Variants in ZNF723 observed in about 807,000 individuals in gnomAD.
ZNF723 encodes the protein zinc finger protein 723, pseudogene.
ZNF723 carries 5 observed loss-of-function variants against 9.4 expected under a neutral mutation model. That is an observed-to-expected ratio of 0.53 (90% CI 0.28 to 1.12). The LOEUF (loss-of-function observed/expected upper bound fraction) is 1.12. ZNF723 is among the 50% of genes most tolerant of loss of function. The probability of loss-of-function intolerance (pLI) is 0.10; values close to 1 mark genes in which losing one functional copy is unlikely to be tolerated. For synonymous variants in ZNF723, 158 were observed against 168.8 expected (o/e 0.94, Z 0.49); for missense variants, 450 against 501.5 (o/e 0.90, Z 0.98).
Position 22,858,142 on chromosome 19 carries a change from A to C in ZNF723, c.1251A>C (p.Ile417=). The C allele has an allele frequency of 7.0e-7, 1 of 1,430,560 alleles. No individual in the cohort carries two copies. Among genetic ancestry groups the C allele is most frequent in the Non-Finnish European group, 9.9e-7 (1 of 1,014,322 alleles). 88.6% of individuals were successfully genotyped at this position (1,430,560 alleles called of 1,614,324 possible). A position where few individuals can be genotyped will look rare whatever the true frequency, so the allele number is the denominator to read the frequency against. The change falls in exon 4 of 4, where the codon ATA becomes ATC. Residue 417 remains isoleucine, a synonymous_variant. Transcript: ENST00000600766. The stretch of plus-strand genomic sequence containing the variant: ...CCTCAGCCCTTACTACACATAAGAT[A>C]ATTCATACTGGAGAAAGACCTTACA... ...NQSSALTTHK[I]IHTGERPYKC...
At position 22,858,645 on chromosome 19, in the gene ZNF723, A is replaced by C; in HGVS notation, c.*212A>C. On this transcript the variant is annotated 3_prime_UTR_variant, in exon 4 of 4. Transcript: ENST00000600766. ...GCCGGGTGTAGTGGTGGGCGCCTGT[A>C]ATCCCAGCTAGTTGGGAGGCTGAGG... The C allele has an allele frequency of 2.9e-6, 1 of 348,756 alleles. No individual in the cohort carries two copies. The allele number at this position is 348,756 out of a possible 1,614,324, so 21.6% of individuals were successfully genotyped here.
the ZNF723 span, among the ~76,000 whole-genome samples, chr19:22,814,854 G>A: frequency 1.3e-5 from 2 of 152,068 alleles, no homozygotes; most frequent in Non-Finnish European, 2.9e-5. Context: ...TTCACAGACA[G>A]CATAGTGACA....
At chr19:22,827,731 C>T (rs565105854), upstream of ZNF723, among the ~76,000 whole-genome samples, 616 of 152,122 alleles carry the variant, frequency 4.0e-3, 5 homozygotes, top group Non-Finnish European at 6.3e-3. Context: ...AACAGGCCAC[C>T]GTGCCTGGCC....
chr19:22,836,628 A>T (rs952464027), intron 1 of ZNF723, among the ~76,000 whole-genome samples: 2 of 152,274 alleles, frequency 1.3e-5, no homozygotes, highest in Admixed American at 6.5e-5. Flanking sequence ...TTTGGCTCAG[A>T]CTGAGAATAG....
intron 1 of ZNF723, among the ~76,000 whole-genome samples, chr19:22,843,730 C>T (rs957316637): frequency 4.6e-5 from 7 of 152,116 alleles, no homozygotes; most frequent in Non-Finnish European, 7.3e-5. Flanking sequence ...TATTTATGAA[C>T]AGAAGAGTTG....
upstream of ZNF723, among the ~76,000 whole-genome samples, chr19:22,827,441 TTTTTG>T (rs1259305737): frequency 8.7e-6 from 1 of 114,660 alleles, no homozygotes; most frequent in African/African-American, 3.6e-5. Flanking sequence ...TTTTTTTGTT[TTTTTG>T]TTTGTTTGTT....
chr19:22,857,085 G>C, intron 3 of ZNF723, 33 bp from the exon 4 acceptor site: 2 of 753,808 alleles, frequency 2.7e-6, no homozygotes, highest in Non-Finnish European at 2.2e-6. Flanking sequence ...AGTCTAGTAA[G>C]ATGAAGTAAT....
intron 3 of ZNF723, among the ~76,000 whole-genome samples, chr19:22,850,750 T>C: frequency 6.6e-6 from 1 of 152,286 alleles, no homozygotes; most frequent in Middle Eastern, 3.4e-3. Flanking sequence ...ATTATTTTTT[T>C]AGATACGTTT....
At chr19:22,815,764 T>C in the ZNF723 span, among the ~76,000 whole-genome samples, 2 of 152,220 alleles carry the variant, frequency 1.3e-5, no homozygotes, top group East Asian at 1.9e-4. Flanking sequence ...AAAGGATTAC[T>C]GTTCTTTTAC....
At chr19:22,818,833 G>A in the ZNF723 span, among the ~76,000 whole-genome samples, 2 of 152,156 alleles carry the variant, frequency 1.3e-5, no homozygotes, top group Non-Finnish European at 2.9e-5. Context: ...CCCAGGTTAT[G>A]AGACTCTTCT....
chr19:22,846,813 C>CTTTTTTTT lies in ZNF723; in HGVS notation c.4-1427_4-1420dup, dbSNP rs760924027. On this transcript the variant is annotated intron_variant, in intron 1 of 3. Coordinates refer to ENST00000600766, the MANE Select transcript of ZNF723 (RefSeq NM_001349726.2). ...ATGGTTGCATTCAGCCTATAATTTC[C>CTTTTTTTT]TTTTTTTTTTTTTTTTTTTTTTTTT... 7.4e-4 allele frequency among the ~76,000 whole-genome samples: 51 copies of CTTTTTTTT among 69,136 alleles called. 7 individuals carry two copies. The highest frequency in any genetic ancestry group is 1.2e-3 in the Non-Finnish European group (43 of 36,868). The allele number at this position is 69,136 out of a possible 152,430, so 45.4% of individuals were successfully genotyped here.
chr19:22,834,614 T>C (rs1036613178), intron 1 of ZNF723, among the ~76,000 whole-genome samples: 10 of 152,078 alleles, frequency 6.6e-5, no homozygotes, highest in African/African-American at 2.4e-4. Flanking sequence ...AGGTATGGAG[T>C]GTAGCCTCTC....
the ZNF723 span, among the ~76,000 whole-genome samples, chr19:22,815,485 A>T: frequency 1.3e-5 from 2 of 152,210 alleles, no homozygotes; most frequent in Admixed American, 1.3e-4. Context: ...ATTGTACTAT[A>T]TCTGTGGCTG....
chr19:22,824,180 C>A, the ZNF723 span, among the ~76,000 whole-genome samples: 3 of 152,184 alleles, frequency 2.0e-5, no homozygotes, highest in Non-Finnish European at 4.4e-5. Context: ...GATAATGCAA[C>A]AATCCTCTCT....
At chr19:22,854,780 GT>G (rs1967449010) in intron 3 of ZNF723, among the ~76,000 whole-genome samples, 1 of 152,040 alleles carries the variant, frequency 6.6e-6, no homozygotes, top group Admixed American at 6.6e-5. Flanking sequence ...GTGCTTGGTG[GT>G]TTACACCTGT....
chr19:22,838,868 C>G (rs539947178), intron 1 of ZNF723, among the ~76,000 whole-genome samples: 1 of 152,252 alleles, frequency 6.6e-6, no homozygotes, highest in Admixed American at 6.5e-5. Context: ...TTGCCTCAGC[C>G]TCCTGAGTAG....
chr19:22,842,994 T>G (rs2024711270), intron 1 of ZNF723, among the ~76,000 whole-genome samples: 1 of 152,324 alleles, frequency 6.6e-6, no homozygotes, highest in East Asian at 1.9e-4. Context: ...AAATAGAATC[T>G]GATGGCAGAA....
intron 1 of ZNF723, among the ~76,000 whole-genome samples, chr19:22,846,200 G>A (rs2145219814): frequency 6.6e-6 from 1 of 152,198 alleles, no homozygotes; most frequent in East Asian, 1.9e-4. Context: ...ATGGGAGGGT[G>A]GGGATACTCA....
chr19:22,850,722 A>G (rs996611430), intron 3 of ZNF723, among the ~76,000 whole-genome samples: 2 of 152,088 alleles, frequency 1.3e-5, no homozygotes, highest in African/African-American at 4.8e-5. Flanking sequence ...AAAGATATGA[A>G]GTTACTATTA....
Sources: allele counts gnomAD v4.1 joint callset (sites outside exome capture counted in the v4.1 genomes callset), GRCh38; gene constraint gnomAD v4.1.1; transcripts MANE v1.5; gene names NCBI Gene and HGNC (gene_info 2026-07-23, HGNC 2026-07-21).